PDZD2: variants seen among roughly 807,000 people sequenced by gnomAD.
The protein encoded by PDZD2 is PDZ domain-containing protein 2.
Under a neutral mutation model 220.7 loss-of-function variants are expected in PDZD2, and 90 were observed. That is an observed-to-expected ratio of 0.41 (90% confidence interval 0.34 to 0.49). The LOEUF is 0.49. Ranked by LOEUF, PDZD2 falls within the 20% of genes least tolerant of loss-of-function variation. The probability of loss-of-function intolerance (pLI) is 0.28; values close to 1 mark genes in which losing one functional copy is unlikely to be tolerated. For synonymous variants in PDZD2, 1,375 were observed against 1,450.5 expected (o/e 0.95, Z 1.18); for missense variants, 3,174 against 3,608.5 (o/e 0.88, Z 3.08).
intron 2 of PDZD2, among the ~76,000 whole-genome samples, chr5:31,825,843 C>A (rs73753517): frequency 6.6e-6 from 1 of 152,312 alleles, no homozygotes; most frequent in African/African-American, 2.4e-5. Context: ...TAAACAATCA[C>A]AACGGCTGTT....
chr5:31,850,213 T>A (rs75671858), intron 2 of PDZD2, among the ~76,000 whole-genome samples: 6 of 89,458 alleles, frequency 6.7e-5, no homozygotes, highest in Admixed American at 3.8e-4. Flanking sequence ...AGTATATATG[T>A]GTATATATAT....
chr5:32,068,833 C>CTG (rs1226299815), intron 14 of PDZD2, among the ~76,000 whole-genome samples: 6 of 125,740 alleles, frequency 4.8e-5, no homozygotes, highest in Non-Finnish European at 9.8e-5. Context: ...AGCTGTAATT[C>CTG]TGTGTGCGTG....
At chr5:31,777,392 G>T (rs983512675) in intron 1 of PDZD2, among the ~76,000 whole-genome samples, 1 of 149,984 alleles carries the variant, frequency 6.7e-6, no homozygotes, top group Non-Finnish European at 1.5e-5. Flanking sequence ...CCCTCCCCTC[G>T]CCCCACCCCA....
At chr5:31,736,838 C>T (rs1323824908) in intron 1 of PDZD2, among the ~76,000 whole-genome samples, 1 of 152,122 alleles carries the variant, frequency 6.6e-6, no homozygotes, top group Non-Finnish European at 1.5e-5. Flanking sequence ...AGTGAGCTCT[C>T]ACTCGGAGTT....
At chr5:31,817,677 T>C (rs1755554936) in intron 2 of PDZD2, among the ~76,000 whole-genome samples, 2 of 152,148 alleles carry the variant, frequency 1.3e-5, no homozygotes, top group South Asian at 4.1e-4. Flanking sequence ...ATCTATATAT[T>C]TTTTGAGACA....
chr5:31,893,987 C>A (rs749223989), intron 2 of PDZD2, among the ~76,000 whole-genome samples: 2 of 151,358 alleles, frequency 1.3e-5, no homozygotes, highest in East Asian at 3.9e-4. Flanking sequence ...CTCCACCTCC[C>A]GGGTTCAAGT....
intron 1 of PDZD2, among the ~76,000 whole-genome samples, chr5:31,714,303 G>A (rs372089006): frequency 1.4e-4 from 22 of 152,204 alleles, no homozygotes; most frequent in African/African-American, 5.1e-4. Context: ...GGCAACCAGG[G>A]CTGATGCATG....
intron 6 of PDZD2, among the ~76,000 whole-genome samples, chr5:32,014,428 G>A (rs1194500440): frequency 1.3e-5 from 2 of 152,134 alleles, no homozygotes; most frequent in African/African-American, 4.8e-5. Context: ...TTAAGGAGTA[G>A]AAGCCAGTGA....
At position 32,036,387 on chromosome 5, in the gene PDZD2, T is replaced by A. The variant is rs115006101; in HGVS notation, c.1408-844T>A. On this transcript the variant is annotated intron_variant, in intron 6 of 24. Transcript: ENST00000438447. ...GAAAATAAAATTTCAAATGGGAAGA[T>A]TTATTGTTTGATGTATCTCAAAAGT... Among the ~76,000 whole-genome samples, 223 of 152,320 alleles carry A rather than the reference T, an allele frequency of 1.5e-3. 1 individual carries two copies. The highest frequency in any genetic ancestry group is 5.0e-3 in the African/African-American group (207 of 41,576).
rs138878471 is a variant in PDZD2, at chr5:32,098,319, G to C, written c.7948-45G>C. On this transcript the variant is annotated intron_variant, in intron 22 of 24. Transcript: ENST00000438447. This position sits in a 1 kb window ranked among gnomAD's most constrained non-coding sequence, Gnocchi z 4.1. ...TACTATCTCCCTTTTACCGGAAATC[G>C]TAAGTGGATCTGGTTTTTGTTCCCT... The C allele has an allele frequency of 6.3e-7, 1 of 1,589,242 alleles. No homozygotes were observed. The highest frequency in any genetic ancestry group is 8.6e-7 in the Non-Finnish European group (1 of 1,164,624).
intron 17 of PDZD2, among the ~76,000 whole-genome samples, 156 bp from the exon 18 acceptor site, chr5:32,073,676 G>A (rs1581426333): frequency 6.6e-6 from 1 of 152,244 alleles, no homozygotes; most frequent in East Asian, 1.9e-4. Flanking sequence ...CCTCCAGGAA[G>A]CCATGTTGCC....
At chr5:31,899,378 C>T (rs1250939901) in intron 2 of PDZD2, among the ~76,000 whole-genome samples, 2 of 152,138 alleles carry the variant, frequency 1.3e-5, no homozygotes, top group Non-Finnish European at 2.9e-5. Flanking sequence ...AGTGATCCGC[C>T]CACCTCATCC....
intron 2 of PDZD2, among the ~76,000 whole-genome samples, chr5:31,920,959 C>G (rs1744200663): frequency 6.6e-6 from 1 of 152,304 alleles, no homozygotes; most frequent in Admixed American, 6.5e-5. Flanking sequence ...CATTTCTTTT[C>G]AGTGTCATGT....
chr5:31,733,441 C>G (rs557800982), intron 1 of PDZD2, among the ~76,000 whole-genome samples: 1 of 152,190 alleles, frequency 6.6e-6, no homozygotes, highest in Non-Finnish European at 1.5e-5. Context: ...TTCTCACTCT[C>G]AATCCACGTG....
intron 2 of PDZD2, among the ~76,000 whole-genome samples, chr5:31,881,440 C>T (rs141040535): frequency 1.4e-3 from 214 of 148,372 alleles, no homozygotes; most frequent in African/African-American, 5.1e-3. Flanking sequence ...TGCAATGGTG[C>T]GATCTCAGCT....
chr5:31,714,345 G>A (rs543697423), intron 1 of PDZD2, among the ~76,000 whole-genome samples: 24 of 152,288 alleles, frequency 1.6e-4, no homozygotes, highest in African/African-American at 4.1e-4. Context: ...TGTGGGTTCC[G>A]CTTGTGTCTC....
intron 2 of PDZD2, among the ~76,000 whole-genome samples, chr5:31,963,018 T>A (rs1748394512): frequency 6.6e-6 from 1 of 152,220 alleles, no homozygotes; most frequent in African/African-American, 2.4e-5. Flanking sequence ...GTCTGCCTGT[T>A]ATTTCCTGCT....
At chr5:32,036,871 G>A (rs1465447914) in intron 6 of PDZD2, among the ~76,000 whole-genome samples, 1 of 152,222 alleles carries the variant, frequency 6.6e-6, no homozygotes, top group Non-Finnish European at 1.5e-5. Flanking sequence ...TAGCTTTGTC[G>A]TTGACCACTG....
At chr5:31,881,499 T>C (rs1026323110) in intron 2 of PDZD2, among the ~76,000 whole-genome samples, 3 of 151,534 alleles carry the variant, frequency 2.0e-5, no homozygotes, top group African/African-American at 4.9e-5. Flanking sequence ...TGCCTCAGCC[T>C]CCCCAGTAGC....
Sources: gnomAD v4.1 joint callset for allele counts (sites outside exome capture counted in the v4.1 genomes callset) on GRCh38, gnomAD v4.1.1 for gene constraint, Gnocchi (gnomAD v3.1) non-coding constraint, MANE v1.5 for transcripts, NCBI Gene and HGNC (gene_info 2026-07-23, HGNC 2026-07-21) for gene names.